Variants in COLQ observed in about 807,000 individuals in gnomAD.
COLQ encodes the protein acetylcholinesterase collagenic tail peptide.
COLQ carries 48 observed loss-of-function variants against 69.0 expected under a neutral mutation model. The observed-to-expected ratio is 0.70, with a 90% CI of 0.55 to 0.88. COLQ has a LOEUF of 0.88. COLQ is among the 40% of genes least tolerant of loss of function. COLQ has a pLI of 0.00. For synonymous variants in COLQ, 217 were observed against 211.2 expected, an observed-to-expected ratio of 1.03 and a Z score of -0.24; for missense variants, 618 against 594.6, an observed-to-expected ratio of 1.04 and a Z score of -0.41.
At position 15,478,966 on chromosome 3, in the gene COLQ, G is replaced by A. The variant is rs909353; in HGVS notation, c.393+11C>T. On this transcript the variant is annotated intron_variant, in intron 5 of 16. Coordinates refer to ENST00000383788, the MANE Select transcript of COLQ (RefSeq NM_005677.4). Reference sequence around the variant, plus strand: ...GCTCATGTGACACTCACAGAACAGCGCAGACCATACCTTCCTTCCTGGTCG... The same window carrying A: ...GCTCATGTGACACTCACAGAACAGCACAGACCATACCTTCCTTCCTGGTCG... The A allele has an allele frequency of 1.1e-3, 1,781 of 1,614,170 alleles. 20 individuals carry two copies. The African/African-American group carries it at 0.022, about 20-fold the overall frequency.
At chr3:15,511,875 T>C (rs2062990661) in intron 1 of COLQ, among the ~76,000 whole-genome samples, 1 of 152,116 alleles carries the variant, frequency 6.6e-6, no homozygotes, top group Non-Finnish European at 1.5e-5. Context: ...CAACTCCTCA[T>C]GATCATAACC....
chr3:15,459,477 C>A (rs996583900), intron 12 of COLQ, among the ~76,000 whole-genome samples: 1 of 147,866 alleles, frequency 6.8e-6, no homozygotes, highest in Middle Eastern at 3.2e-3. Context: ...CATAAGGCAT[C>A]CTTTTTTTTT....
intron 12 of COLQ, among the ~76,000 whole-genome samples, chr3:15,465,036 T>A (rs926465460): frequency 6.6e-6 from 1 of 151,782 alleles, no homozygotes; most frequent in African/African-American, 2.4e-5. Flanking sequence ...TAGCCAGGCG[T>A]GGTGGAAGGC....
At chr3:15,479,529 T>C in intron 3 of COLQ, 147 bp from the exon 4 acceptor site, 1 of 782,100 alleles carries the variant, frequency 1.3e-6, no homozygotes, top group Admixed American at 2.0e-5. Context: ...GGCTTTTCCT[T>C]TGCCCTCCAG....
intron 1 of COLQ, among the ~76,000 whole-genome samples, chr3:15,502,751 G>A (rs2062848783): frequency 6.6e-6 from 1 of 152,108 alleles, no homozygotes; most frequent in Non-Finnish European, 1.5e-5. Flanking sequence ...CTGGAATGCT[G>A]TGTTAAGAAG....
Position 15,521,686 on chromosome 3 carries a change from C to T in COLQ, c.-61G>A. On this transcript the variant is annotated 5_prime_UTR_variant, in exon 1 of 17. Coordinates refer to ENST00000383788, the MANE Select transcript of COLQ (RefSeq NM_005677.4). ...GAGGCTGCTGCGGAGCCTTGCTTAT[C>T]TCTGCTTTTCTCTTCCTCACTGCTG... 6.2e-7 allele frequency: 1 copy of T among 1,605,148 alleles called. No individual in the cohort carries two copies. Among genetic ancestry groups the T allele is most frequent in the Non-Finnish European group, 8.5e-7 (1 of 1,176,306 alleles).
intron 8 of COLQ, among the ~76,000 whole-genome samples, chr3:15,474,651 T>A (rs1408600883): frequency 6.6e-6 from 1 of 152,240 alleles, no homozygotes; most frequent in African/African-American, 2.4e-5. Context: ...GTGCAAACTG[T>A]GCTTATTCTC....
chr3:15,477,011 T>C (rs1412052598), intron 6 of COLQ, 115 bp downstream of exon 6: 1 of 1,053,644 alleles, frequency 9.5e-7, no homozygotes, highest in Non-Finnish European at 1.4e-6. Flanking sequence ...GCTCTCTTCT[T>C]CTTCCCCCTC....
chr3:15,504,506 C>T (rs1411725738), intron 1 of COLQ, among the ~76,000 whole-genome samples: 1 of 152,188 alleles, frequency 6.6e-6, no homozygotes, highest in Admixed American at 6.5e-5. Flanking sequence ...TGGATTAATG[C>T]CCACCCTAAT....
intron 6 of COLQ, among the ~76,000 whole-genome samples, chr3:15,476,725 C>T (rs2062385096): frequency 6.6e-6 from 1 of 152,154 alleles, no homozygotes; most frequent in African/African-American, 2.4e-5. Flanking sequence ...GTAGGATTTC[C>T]ATCCTTCAGC....
intron 12 of COLQ, among the ~76,000 whole-genome samples, chr3:15,461,189 T>TCCCCGCCCCCCCC (rs549486422): frequency 1.4e-5 from 2 of 144,070 alleles, no homozygotes; most frequent in Non-Finnish European, 3.0e-5. Context: ...TTGCCTTTAT[T>TCCCCGCCCCCCCC]CCCCCCCCGA....
At position 15,452,635 on chromosome 3, in the gene COLQ, G is replaced by A. The variant is rs114226443; in HGVS notation, c.1299-922C>T. 8.4e-3 allele frequency among the ~76,000 whole-genome samples: 1,274 copies of A among 152,256 alleles called. 21 individuals carry two copies. The highest frequency in any genetic ancestry group is 0.029 in the African/African-American group (1,206 of 41,544). Reference sequence around the variant, plus strand: ...TGATCGTCTACATTGATTTGTCTCTGTGGAGCCATGAAGAGCCAACTCTCT... The same window carrying A: ...TGATCGTCTACATTGATTTGTCTCTATGGAGCCATGAAGAGCCAACTCTCT... On this transcript the variant is annotated intron_variant, in intron 16 of 16. Transcript: ENST00000383788.
chr3:15,478,628 C>T, intron 5 of COLQ: 1 of 404,480 alleles, frequency 2.5e-6, no homozygotes, highest in Middle Eastern at 7.4e-4. Context: ...CAGAGAGTGA[C>T]AGTCATTCAA....
intron 1 of COLQ, among the ~76,000 whole-genome samples, chr3:15,520,869 C>T (rs978142784): frequency 2.0e-5 from 3 of 152,298 alleles, no homozygotes; most frequent in East Asian, 1.9e-4. Context: ...TGTGGAACCC[C>T]CTCCACTTCT....
rs1240825203 is a variant in COLQ, at chr3:15,465,272, ATTTATTTATTTT to A, written c.814+1057_814+1068del. 1.6e-4 allele frequency among the ~76,000 whole-genome samples: 24 copies of A among 146,730 alleles called. No individual in the cohort carries two copies. In the East Asian group the frequency reaches 4.7e-3, roughly 29 times the overall value. On this transcript the variant is annotated intron_variant, in intron 12 of 16. Coordinates refer to ENST00000383788, the MANE Select transcript of COLQ (RefSeq NM_005677.4). ...TATTTATTTATTTATTTATTTATTT[ATTTATTTATTTT>A]GAGATGGAGTCTCGCTCTGTCACCC... is the stretch of plus-strand genomic sequence containing the variant.
Position 15,470,768 on chromosome 3 carries a change from A to G in COLQ, c.637-152T>C, listed in dbSNP as rs576237274. ...GCTGCCCTGCAAGGTTAGCAGAGTG[A>G]GGAAGTCATGAGAAAGGCAGACATG... On this transcript the variant is annotated intron_variant, in intron 10 of 16. Coordinates refer to ENST00000383788, the MANE Select transcript of COLQ (RefSeq NM_005677.4). 1.3e-4 allele frequency: 99 copies of G among 753,354 alleles called. No homozygotes were observed. The South Asian group carries it at 1.4e-3, about 10-fold the overall frequency. 46.7% of individuals were successfully genotyped at this position (753,354 alleles called of 1,614,324 possible). A position where few individuals can be genotyped will look rare whatever the true frequency, so the allele number is the denominator to read the frequency against.
At chr3:15,454,722 C>A (rs541901518) in intron 15 of COLQ, among the ~76,000 whole-genome samples, 4 of 148,288 alleles carry the variant, frequency 2.7e-5, no homozygotes, top group African/African-American at 1.0e-4. Context: ...GTGGTGCAAT[C>A]GCAGTTCACT....
At chr3:15,495,130 C>A (rs770356409) in intron 1 of COLQ, among the ~76,000 whole-genome samples, 1 of 152,232 alleles carries the variant, frequency 6.6e-6, no homozygotes, top group African/African-American at 2.4e-5. Context: ...AAATGAAGGT[C>A]TGGAGCTTCA....
chr3:15,477,761 C>T (rs1162713449), intron 5 of COLQ, among the ~76,000 whole-genome samples: 3 of 152,208 alleles, frequency 2.0e-5, no homozygotes, highest in Non-Finnish European at 2.9e-5. Flanking sequence ...GCAGTTGACA[C>T]TCTCAAGCTC....
Sources: allele counts gnomAD v4.1 joint callset (sites outside exome capture counted in the v4.1 genomes callset), GRCh38; gene constraint gnomAD v4.1.1; transcripts MANE v1.5; gene names NCBI Gene and HGNC (gene_info 2026-07-23, HGNC 2026-07-21).